The following GALNT13 variants were observed in gnomAD, a reference collection of about 807,000 sequenced individuals.
GALNT13 encodes the protein UDP-GalNAc:polypeptide N-acetylgalactosaminyltransferase 13.
In GALNT13, 28 loss-of-function variants were observed where a neutral mutation model predicts 64.2. That is an observed-to-expected ratio of 0.44 (90% CI 0.32 to 0.60). GALNT13 has a LOEUF of 0.60. Ranked by LOEUF, GALNT13 falls within the 20% of genes least tolerant of loss-of-function variation. GALNT13 has a pLI of 0.05. For synonymous variants in GALNT13, 214 were observed against 224.6 expected, an observed-to-expected ratio of 0.95 and a Z score of 0.42; for missense variants, 577 against 669.8, an observed-to-expected ratio of 0.86 and a Z score of 1.53.
chr2:154,250,762 G>T (rs1291044674), intron 7 of GALNT13, among the ~76,000 whole-genome samples: 1 of 151,922 alleles, frequency 6.6e-6, no homozygotes, highest in African/African-American at 2.4e-5. Context: ...GATTGTATTA[G>T]ACTTTTCTCA....
At chr2:153,120,455 T>C in the GALNT13 span, among the ~76,000 whole-genome samples, 269 of 152,340 alleles carry the variant, frequency 1.8e-3, 2 homozygotes, top group Middle Eastern at 6.8e-3. Context: ...GATTTGTCTT[T>C]AGGCCAGTTT....
chr2:153,403,305 G>A, the GALNT13 span, among the ~76,000 whole-genome samples: 17 of 151,864 alleles, frequency 1.1e-4, no homozygotes, highest in African/African-American at 4.1e-4. Context: ...CCAGCTGCGT[G>A]CTGGGAGAAC....
intron 3 of GALNT13, among the ~76,000 whole-genome samples, chr2:154,037,747 C>A (rs2882018): frequency 0.18 from 27,788 of 152,112 alleles, 3,342 homozygotes; most frequent in Non-Finnish European, 0.26. Flanking sequence ...AGAAAGTAAT[C>A]TTTTTTATAA....
the GALNT13 span, among the ~76,000 whole-genome samples, chr2:153,337,472 C>T: frequency 6.6e-6 from 1 of 152,080 alleles, no homozygotes; most frequent in Non-Finnish European, 1.5e-5. Flanking sequence ...AAATCTATAA[C>T]ACTCAGAATC....
At chr2:154,178,467 A>C (rs1469771948) in intron 4 of GALNT13, among the ~76,000 whole-genome samples, 1 of 151,654 alleles carries the variant, frequency 6.6e-6, no homozygotes, top group Admixed American at 6.6e-5. Context: ...CTAATGTTAA[A>C]TGACGAGTTA....
the GALNT13 span, among the ~76,000 whole-genome samples, chr2:153,149,473 A>C: frequency 6.6e-6 from 1 of 151,860 alleles, no homozygotes; most frequent in Non-Finnish European, 1.5e-5. Flanking sequence ...TCCTGGCTGA[A>C]GAAATTAAGA....
chr2:153,669,036 A>C, the GALNT13 span, among the ~76,000 whole-genome samples: 1 of 152,162 alleles, frequency 6.6e-6, no homozygotes, highest in Non-Finnish European at 1.5e-5. Flanking sequence ...CCAAGGACCC[A>C]GCTTGGCCAT....
the GALNT13 span, among the ~76,000 whole-genome samples, chr2:153,445,370 A>C: frequency 2.0e-5 from 3 of 152,138 alleles, no homozygotes; most frequent in Admixed American, 2.0e-4. Context: ...AAAATAACAA[A>C]ATAGGAAAAT....
chr2:154,145,114 A>C (rs1169773831), intron 4 of GALNT13, among the ~76,000 whole-genome samples: 2 of 143,396 alleles, frequency 1.4e-5, no homozygotes, highest in Non-Finnish European at 3.0e-5. Context: ...ATATATATAT[A>C]TATATACACA....
the GALNT13 span, among the ~76,000 whole-genome samples, chr2:153,644,078 T>TA: frequency 6.6e-6 from 1 of 151,938 alleles, no homozygotes; most frequent in Admixed American, 6.6e-5. Context: ...ATAAGAAAAG[T>TA]AAAAAAACTA....
the GALNT13 span, among the ~76,000 whole-genome samples, chr2:153,177,300 TAATTTTA>T: frequency 1.3e-5 from 2 of 152,084 alleles, no homozygotes; most frequent in East Asian, 3.9e-4. Flanking sequence ...CTACTAAAGT[TAATTTTA>T]AAATGTATAT....
At chr2:153,909,233 G>A (rs1259223826) in intron 2 of GALNT13, among the ~76,000 whole-genome samples, 1 of 151,826 alleles carries the variant, frequency 6.6e-6, no homozygotes, top group East Asian at 1.9e-4. Context: ...TGTGATTTTT[G>A]TACATTTTTT....
chr2:154,445,708 A>C, intron 12 of GALNT13: 1 of 641,194 alleles, frequency 1.6e-6, no homozygotes, highest in Non-Finnish European at 2.3e-6. Flanking sequence ...TAAATCCAAT[A>C]ATTTGTGTTC....
the GALNT13 span, among the ~76,000 whole-genome samples, chr2:153,361,829 G>A: frequency 7.9e-5 from 12 of 152,060 alleles, no homozygotes; most frequent in African/African-American, 2.7e-4. Flanking sequence ...AACTTCCCCA[G>A]CCTAGCAAGG....
the GALNT13 span, among the ~76,000 whole-genome samples, chr2:153,110,688 A>G: frequency 2.6e-5 from 4 of 152,018 alleles, no homozygotes; most frequent in African/African-American, 4.8e-5. Flanking sequence ...TACAGCTTTC[A>G]TGTTCTAGGA....
the GALNT13 span, among the ~76,000 whole-genome samples, chr2:153,465,412 G>A: frequency 1.3e-5 from 2 of 151,158 alleles, no homozygotes; most frequent in East Asian, 3.9e-4. Context: ...GTGATATAAA[G>A]GTATTAAGTT....
At chr2:154,210,947 T>C (rs568027126) in intron 4 of GALNT13, among the ~76,000 whole-genome samples, 73 of 152,276 alleles carry the variant, frequency 4.8e-4, no homozygotes, top group Non-Finnish European at 8.7e-4. Flanking sequence ...AATGAATGTA[T>C]GTATTATTAT....
Position 154,408,924 on chromosome 2 carries a change from A to G in GALNT13, c.1297-60A>G. Reference sequence around the variant, plus strand: ...TAGATAGTAACATGAGAAGGATTTGATGACTTAAATAACTGTCTGATTTAT... The same window carrying G: ...TAGATAGTAACATGAGAAGGATTTGGTGACTTAAATAACTGTCTGATTTAT... On this transcript the variant is annotated intron_variant, in intron 10 of 12. Coordinates refer to ENST00000392825, the MANE Select transcript of GALNT13 (RefSeq NM_052917.4). 3.0e-6 allele frequency: 3 copies of G among 1,008,300 alleles called. No homozygotes were observed. The Admixed American group carries it at 5.9e-5, about 20-fold the overall frequency. The allele number at this position is 1,008,300 out of a possible 1,614,324, so 62.5% of individuals were successfully genotyped here.
intron 3 of GALNT13, among the ~76,000 whole-genome samples, chr2:154,012,657 G>A (rs1696727981): frequency 6.6e-6 from 1 of 152,088 alleles, no homozygotes; most frequent in Non-Finnish European, 1.5e-5. Context: ...CCTCAAATAT[G>A]TTTTCCAGGT....
Sources: allele counts gnomAD v4.1 joint callset (sites outside exome capture counted in the v4.1 genomes callset), GRCh38; gene constraint gnomAD v4.1.1; transcripts MANE v1.5; gene names NCBI Gene and HGNC (gene_info 2026-07-23, HGNC 2026-07-21).